BARD1: variants seen among roughly 807,000 people sequenced by gnomAD.
BARD1 encodes BRCA1-associated RING domain protein 1.
Under a neutral mutation model 77.0 loss-of-function variants are expected in BARD1, and 73 were observed. The ratio of observed to expected loss-of-function variants is 0.95; its 90% CI spans 0.79 to 1.15. The LOEUF (loss-of-function observed/expected upper bound fraction) is 1.15, where lower values mean the gene tolerates loss of function less well. Ranked by LOEUF, BARD1 falls within the 50% of genes most tolerant of loss-of-function variation. The pLI is 0.00. For synonymous variants in BARD1, 384 were observed against 338.0 expected (o/e 1.14, Z -1.49); for missense variants, 993 against 938.8 (o/e 1.06, Z -0.75).
rs1574818013 is a variant in BARD1 at position 214,780,869 on chromosome 2, T to G, written c.1005A>C (p.Arg335Ser). 6.2e-7 allele frequency: 1 copy of G among 1,614,164 alleles called. No homozygotes were observed. The highest frequency in any genetic ancestry group is 8.5e-7 in the Non-Finnish European group (1 of 1,180,010). Residue 335 changes from arginine (R) to serine (S), a missense_variant, in exon 4 of 11, where the codon AGA becomes AGC. Transcript: ENST00000260947. Reference sequence around the variant, plus strand: ...TGGTGCTCAGAATGCTGGTTCTACATCTCTTAGAAATGGGACTGGAAAGTC... The same window carrying G: ...TGGTGCTCAGAATGCTGGTTCTACAGCTCTTAGAAATGGGACTGGAAAGTC... The part of the protein sequence containing the change: ...HNRLSSPISK[R>S]CRTSILSTSG...
In BARD1 at chr2:214,767,479, T is replaced by TAA; in HGVS notation, c.1568+2_1568+3insTT. ...AAAATAATTTTTACGTTGAACTACT[T>TAA]ACACAGCATTTCTGGAGGCTCCATA... On this transcript the variant is annotated splice_region_variant and intron_variant, in intron 6 of 10. Coordinates refer to ENST00000260947, the MANE Select transcript of BARD1 (RefSeq NM_000465.4). 2 of 1,612,726 alleles carry TAA rather than the reference T, an allele frequency of 1.2e-6. No homozygotes were observed.
Position 214,773,060 on chromosome 2 carries a change from T to A in BARD1, c.1315-3748A>T, listed in dbSNP as rs112263900. Reference sequence around the variant, plus strand: ...ATACACTGAAGGCTGAAAATAAGAGTGTGTGTGTGTCCCACTGAATCTTTT... The same window carrying A: ...ATACACTGAAGGCTGAAAATAAGAGAGTGTGTGTGTCCCACTGAATCTTTT... On this transcript the variant is annotated intron_variant, in intron 4 of 10. Transcript: ENST00000260947. Among the ~76,000 whole-genome samples the A allele has an allele frequency of 1.3e-3, 199 of 152,186 alleles. 2 individuals are homozygous for A. The highest frequency in any genetic ancestry group is 4.3e-3 in the African/African-American group (179 of 41,530).
chr2:214,738,614 A>T (rs1374232), intron 9 of BARD1, among the ~76,000 whole-genome samples: 122,841 of 152,018 alleles, frequency 0.81, 49,782 homozygotes, highest in East Asian at 1. Context: ...TTAAGCTTAC[A>T]TTTCCTATAA....
In BARD1 at chr2:214,769,254, T is replaced by G; in HGVS notation, c.1373A>C (p.Asp458Ala). ...TACCAATGGTGTCCATCCAGCATGGTCTTTAACATTTGGATCACTTCCATT... is the reference window on the plus strand; with the variant it reads ...TACCAATGGTGTCCATCCAGCATGGGCTTTAACATTTGGATCACTTCCATT... ...LQNGSDPNVKDHAGWTPLHEA... is the reference protein window; with the variant it reads ...LQNGSDPNVKAHAGWTPLHEA... The change falls in exon 5 of 11, where the codon GAC becomes GCC. Residue 458 changes from aspartate (D) to alanine (A), a missense_variant. By Grantham distance (126) the Asp-to-Ala change is moderately radical (BLOSUM62 -2). Coordinates refer to ENST00000260947, the MANE Select transcript of BARD1 (RefSeq NM_000465.4). 1.2e-6 allele frequency: 2 copies of G among 1,613,512 alleles called. No individual in the cohort carries two copies. The highest frequency in any genetic ancestry group is 1.7e-6 in the Non-Finnish European group (2 of 1,179,464).
intron 1 of BARD1, among the ~76,000 whole-genome samples, chr2:214,809,017 G>A (rs1474690012): frequency 2.6e-5 from 4 of 152,172 alleles, no homozygotes; most frequent in South Asian, 2.1e-4. Context: ...AGCCCAATTC[G>A]CCACAGCTCC....
At chr2:214,747,169 C>T (rs1574742455) in intron 7 of BARD1, among the ~76,000 whole-genome samples, 2 of 152,034 alleles carry the variant, frequency 1.3e-5, no homozygotes, top group Non-Finnish European at 2.9e-5. Context: ...CCATCTCACA[C>T]TAGTTAGAAT....
intron 1 of BARD1, 40 bp from the exon 2 acceptor site, chr2:214,797,157 G>A (rs1029636912): frequency 1.6e-5 from 25 of 1,524,522 alleles, no homozygotes; most frequent in Non-Finnish European, 2.1e-5. Flanking sequence ...TTGAGTCATT[G>A]TTAGATAAAC....
At chr2:214,741,249 C>G (rs1442281974) in intron 9 of BARD1, among the ~76,000 whole-genome samples, 1 of 151,892 alleles carries the variant, frequency 6.6e-6, no homozygotes, top group Non-Finnish European at 1.5e-5. Flanking sequence ...TTTATTTAAA[C>G]TTAGATGAGA....
intron 1 of BARD1, among the ~76,000 whole-genome samples, chr2:214,802,298 A>T (rs1696060119): frequency 6.6e-6 from 1 of 152,206 alleles, no homozygotes; most frequent in Non-Finnish European, 1.5e-5. Context: ...TAAACACTTT[A>T]TTATAAAATA....
intron 3 of BARD1, among the ~76,000 whole-genome samples, chr2:214,787,663 T>C (rs530135876): frequency 2.3e-4 from 35 of 152,088 alleles, no homozygotes; most frequent in African/African-American, 7.5e-4. Context: ...AAGAATTCCA[T>C]TCTCTGAATT....
At chr2:214,799,772 G>C (rs1355984770) in intron 1 of BARD1, among the ~76,000 whole-genome samples, 1 of 151,930 alleles carries the variant, frequency 6.6e-6, no homozygotes, top group Non-Finnish European at 1.5e-5. Flanking sequence ...TCCCTTTCTT[G>C]AACAGATAAA....
intron 8 of BARD1, among the ~76,000 whole-genome samples, 194 bp from the exon 9 acceptor site, chr2:214,745,353 G>C (rs1224891617): frequency 1.3e-5 from 2 of 152,088 alleles, no homozygotes; most frequent in African/African-American, 4.8e-5. Flanking sequence ...TGAAAAATCA[G>C]ATCATAAACC....
At chr2:214,775,714 A>C (rs893989985) in intron 4 of BARD1, among the ~76,000 whole-genome samples, 6 of 152,212 alleles carry the variant, frequency 3.9e-5, no homozygotes, top group African/African-American at 1.4e-4. Context: ...CCTGTAATTT[A>C]ACAGATAATT....
At chr2:214,807,396 A>T (rs1343046506) in intron 1 of BARD1, among the ~76,000 whole-genome samples, 1 of 152,094 alleles carries the variant, frequency 6.6e-6, no homozygotes, top group Non-Finnish European at 1.5e-5. Flanking sequence ...CGGCTTTGTT[A>T]TTTTTCAGGA....
intron 7 of BARD1, among the ~76,000 whole-genome samples, chr2:214,746,105 G>A (rs577001663): frequency 6.6e-6 from 1 of 151,914 alleles, no homozygotes; most frequent in African/African-American, 2.4e-5. Flanking sequence ...TTTAAATTGG[G>A]TCTCTCTAGG....
intron 4 of BARD1, among the ~76,000 whole-genome samples, chr2:214,771,256 G>C (rs940303486): frequency 1.4e-4 from 22 of 152,110 alleles, no homozygotes; most frequent in Admixed American, 1.1e-3. Context: ...GCTATAGACA[G>C]AAGTTACATG....
rs1574699797 is a variant in BARD1, at chr2:214,727,899, A to G, written c.*777T>C. ...CTAGACTGGTCAGACCTTTTAAAAAATACTAACATTAAAATGTGTTAGAGA... is the reference window on the plus strand; with the variant it reads ...CTAGACTGGTCAGACCTTTTAAAAAGTACTAACATTAAAATGTGTTAGAGA... On this transcript the variant is annotated 3_prime_UTR_variant, in exon 11 of 11. Transcript: ENST00000260947. 1 of 217,684 alleles carries G rather than the reference A, an allele frequency of 4.6e-6. No homozygotes were observed. Among genetic ancestry groups the G allele is most frequent in the Non-Finnish European group, 9.2e-6 (1 of 108,298 alleles). 13.5% of individuals were successfully genotyped at this position (217,684 alleles called of 1,614,324 possible). A position where few individuals can be genotyped will look rare whatever the true frequency, so the allele number is the denominator to read the frequency against.
rs145031150 is a variant in BARD1, at chr2:214,788,872, C to T, written c.364+3425G>A. ...GAAGTACTTACTAGATAATCAATTA[C>T]CACAAAGGTACTGCGTAAAATACAC... On this transcript the variant is annotated intron_variant, in intron 3 of 10. Transcript: ENST00000260947. Among the ~76,000 whole-genome samples, 1,072 of 152,078 alleles carry T rather than the reference C, an allele frequency of 7.0e-3. 5 individuals are homozygous for T. The highest frequency in any genetic ancestry group is 0.011 in the Non-Finnish European group (755 of 67,970).
chr2:214,794,631 C>T (rs1695676748), intron 2 of BARD1, among the ~76,000 whole-genome samples: 2 of 152,082 alleles, frequency 1.3e-5, no homozygotes, highest in African/African-American at 4.8e-5. Context: ...CATGAACACA[C>T]AAAAGCTCTT....
Sources: allele counts gnomAD v4.1 joint callset (sites outside exome capture counted in the v4.1 genomes callset), GRCh38; gene constraint gnomAD v4.1.1; transcripts MANE v1.5; gene names NCBI Gene and HGNC (gene_info 2026-07-23, HGNC 2026-07-21).